The following PPP2R5A variants were observed in gnomAD, a reference collection of about 807,000 sequenced individuals.
The protein encoded by PPP2R5A is protein phosphatase 2 regulatory subunit B'alpha.
A neutral mutation model predicts 64.2 loss-of-function variants in PPP2R5A; 25 were observed. The ratio of observed to expected loss-of-function variants is 0.39; its 90% CI spans 0.28 to 0.54. The LOEUF (loss-of-function observed/expected upper bound fraction) is 0.54, where lower values mean the gene tolerates loss of function less well. PPP2R5A is among the 20% of genes least tolerant of loss of function. PPP2R5A has a pLI of 0.67. For missense variants in PPP2R5A, 425 were observed against 576.3 expected, an observed-to-expected ratio of 0.74 and a Z score of 2.69; for synonymous variants, 198 against 201.2, an observed-to-expected ratio of 0.98 and a Z score of 0.13.
At chr1:212,293,900 C>G (rs1387209637) in intron 1 of PPP2R5A, among the ~76,000 whole-genome samples, 1 of 152,012 alleles carries the variant, frequency 6.6e-6, no homozygotes, top group East Asian at 1.9e-4. Flanking sequence ...TGATTTCACT[C>G]TTGTTATTCT....
chr1:212,328,680 A>G (rs1041105368), intron 1 of PPP2R5A, among the ~76,000 whole-genome samples: 6 of 152,198 alleles, frequency 3.9e-5, no homozygotes, highest in South Asian at 2.1e-4. Flanking sequence ...GGGACCAGAT[A>G]AGAGGAGCAA....
chr1:212,348,281 C>T, intron 6 of PPP2R5A, 108 bp from the exon 7 acceptor site: 5 of 707,290 alleles, frequency 7.1e-6, no homozygotes, highest in South Asian at 6.6e-5. Context: ...AGTCATACAA[C>T]ACCAGGATTG....
chr1:212,320,706 C>T (rs77295414), intron 1 of PPP2R5A, among the ~76,000 whole-genome samples: 21,551 of 118,744 alleles, frequency 0.18, 2,172 homozygotes, highest in South Asian at 0.29. Context: ...ACCTCCCTCC[C>T]GGATGGGGCG....
In PPP2R5A at chr1:212,290,179, A is replaced by G. The variant is rs577014174; in HGVS notation, c.181+3888A>G. On this transcript the variant is annotated intron_variant, in intron 1 of 12. Transcript: ENST00000261461. ...CACTAGAGGTATTGAGGCCAGTAAT[A>G]GTGGTGTTGATTGCAGTGCTTCCTT... Among the ~76,000 whole-genome samples the G allele has an allele frequency of 7.3e-4, 111 of 152,354 alleles. 3 individuals carry two copies. In the South Asian group the frequency reaches 0.022, roughly 30 times the overall value.
chr1:212,321,862 G>C (rs1009258045), intron 1 of PPP2R5A, among the ~76,000 whole-genome samples: 2 of 150,386 alleles, frequency 1.3e-5, no homozygotes, highest in African/African-American at 4.9e-5. Context: ...GTTGTAGCGA[G>C]CCGAGATCAT....
chr1:212,331,203 CAGGCTGG>C (rs754656756), intron 2 of PPP2R5A, among the ~76,000 whole-genome samples: 3 of 150,994 alleles, frequency 2.0e-5, no homozygotes, highest in Non-Finnish European at 4.4e-5. Flanking sequence ...TCTCTTTTCC[CAGGCTGG>C]AGTGCAGTGG....
intron 3 of PPP2R5A, chr1:212,333,995 A>G (rs1659550341): frequency 6.4e-6 from 1 of 156,152 alleles, no homozygotes; most frequent in Admixed American, 6.5e-5. Flanking sequence ...GGATTTGCCT[A>G]TTTTGGATAC....
chr1:212,321,957 T>G (rs1463366145), intron 1 of PPP2R5A, among the ~76,000 whole-genome samples: 10 of 151,940 alleles, frequency 6.6e-5, no homozygotes, highest in Non-Finnish European at 1.5e-5. Flanking sequence ...AGGCCCAGGC[T>G]GGCGGATCAC....
chr1:212,296,663 A>G (rs1014972866), intron 1 of PPP2R5A, among the ~76,000 whole-genome samples: 7 of 152,232 alleles, frequency 4.6e-5, no homozygotes, highest in Non-Finnish European at 7.3e-5. Context: ...TCTTTAGACT[A>G]TAAGTGCTTT....
At chr1:212,353,789 T>C (rs1439837764) in intron 8 of PPP2R5A, among the ~76,000 whole-genome samples, 3 of 152,342 alleles carry the variant, frequency 2.0e-5, no homozygotes, top group Middle Eastern at 6.8e-3. Context: ...TGAAATTATA[T>C]TAAATTTACT....
Position 212,357,223 on chromosome 1 carries a change from G to C in PPP2R5A, c.1165G>C (p.Asp389His). 1 of 1,594,962 alleles carries C rather than the reference G, an allele frequency of 6.3e-7. No homozygotes were observed. Among genetic ancestry groups the C allele is most frequent in the Non-Finnish European group, 8.5e-7 (1 of 1,173,764 alleles). ...YILSLIEENI[D>H]KILPIMFASL... ...TCTTAGTTTGATTGAGGAGAACATT[G>C]ATAAAATTCTGCCAATTATGTTTGC... The change falls in exon 11 of 13, where the codon GAT (aspartate) becomes CAT (histidine). Residue 389 changes from aspartate to histidine, a missense_variant. Asp to His is a moderately conservative substitution (Grantham distance 81). Transcript: ENST00000261461.
intron 2 of PPP2R5A, among the ~76,000 whole-genome samples, chr1:212,331,018 A>C (rs1391985710): frequency 6.6e-6 from 1 of 152,048 alleles, no homozygotes; most frequent in East Asian, 1.9e-4. Flanking sequence ...AAATACAAAA[A>C]TTAGCCAGGT....
chr1:212,356,772 C>A, intron 9 of PPP2R5A, 96 bp downstream of exon 9: 1 of 1,401,294 alleles, frequency 7.1e-7, no homozygotes, highest in Non-Finnish European at 9.8e-7. Flanking sequence ...ATTGCTGTTG[C>A]TAAAGAGCGG....
At chr1:212,296,851 A>T (rs911652239) in intron 1 of PPP2R5A, among the ~76,000 whole-genome samples, 6 of 152,214 alleles carry the variant, frequency 3.9e-5, no homozygotes, top group Non-Finnish European at 8.8e-5. Context: ...TACCTGCAAC[A>T]CTAAACTGGT....
intron 1 of PPP2R5A, among the ~76,000 whole-genome samples, chr1:212,290,538 T>C (rs576372616): frequency 5.9e-5 from 9 of 152,374 alleles, no homozygotes; most frequent in African/African-American, 2.2e-4. Flanking sequence ...AAAACATTTT[T>C]AGGATATTCT....
intron 1 of PPP2R5A, among the ~76,000 whole-genome samples, chr1:212,321,492 G>A (rs1659292187): frequency 6.8e-6 from 1 of 147,938 alleles, no homozygotes; most frequent in South Asian, 2.1e-4. Context: ...CCGGGCGGAG[G>A]GGCTCCTCAC....
chr1:212,302,931 C>G (rs1179950503), intron 1 of PPP2R5A, among the ~76,000 whole-genome samples: 2 of 152,130 alleles, frequency 1.3e-5, no homozygotes, highest in African/African-American at 4.8e-5. Context: ...GTACTTCATT[C>G]CTTTTTATGG....
intron 1 of PPP2R5A, among the ~76,000 whole-genome samples, chr1:212,307,213 G>A (rs1658934908): frequency 6.7e-6 from 1 of 149,234 alleles, no homozygotes; most frequent in Non-Finnish European, 1.5e-5. Flanking sequence ...TTCTAATGCA[G>A]CATTTAAACT....
intron 1 of PPP2R5A, among the ~76,000 whole-genome samples, chr1:212,295,650 A>G (rs552785952): frequency 1.5e-4 from 23 of 152,288 alleles, no homozygotes; most frequent in Admixed American, 1.0e-3. Flanking sequence ...AGTGGAGGCC[A>G]AAGAAGACAG....
Sources: allele counts gnomAD v4.1 joint callset (sites outside exome capture counted in the v4.1 genomes callset), GRCh38; gene constraint gnomAD v4.1.1; transcripts MANE v1.5; gene names NCBI Gene and HGNC (gene_info 2026-07-23, HGNC 2026-07-21).